Variants in GPC5 observed in about 807,000 individuals in gnomAD.
GPC5 encodes the protein glypican-5.
GPC5 carries 47 observed loss-of-function variants against 53.9 expected under a neutral mutation model. The observed-to-expected ratio is 0.87, with a 90% CI of 0.69 to 1.11. The LOEUF (loss-of-function observed/expected upper bound fraction) is 1.11. GPC5 is among the 50% of genes most tolerant of loss of function. The pLI, the probability that GPC5 is intolerant of heterozygous loss-of-function variation, is 0.00. For synonymous variants in GPC5, 286 were observed against 263.3 expected, an observed-to-expected ratio of 1.09 and a Z score of -0.84; for missense variants, 748 against 713.1, an observed-to-expected ratio of 1.05 and a Z score of -0.56.
intron 7 of GPC5, among the ~76,000 whole-genome samples, chr13:92,329,631 C>G (rs1280448957): frequency 1.3e-5 from 2 of 152,136 alleles, no homozygotes; most frequent in Non-Finnish European, 2.9e-5. Flanking sequence ...CACCATAAGA[C>G]AAAATTCAAA....
intron 7 of GPC5, among the ~76,000 whole-genome samples, chr13:92,264,004 T>C (rs1214405651): frequency 6.6e-6 from 1 of 152,176 alleles, no homozygotes; most frequent in Non-Finnish European, 1.5e-5. Context: ...GTTAATCAGA[T>C]TGATTTAATT....
intron 2 of GPC5, among the ~76,000 whole-genome samples, chr13:91,498,701 A>G (rs61968042): frequency 0.16 from 24,119 of 152,082 alleles, 2,556 homozygotes; most frequent in Non-Finnish European, 0.22. Flanking sequence ...TAGGGGAGCC[A>G]GTTAGAAAGC....
chr13:91,721,121 CT>C (rs1282288895), intron 3 of GPC5, among the ~76,000 whole-genome samples: 5 of 66,686 alleles, frequency 7.5e-5, no homozygotes, highest in Non-Finnish European at 1.4e-4. Flanking sequence ...TTCTTTCTTT[CT>C]TTCTTTCTTT....
intron 7 of GPC5, among the ~76,000 whole-genome samples, chr13:92,202,943 GAAAA>G (rs527632010): frequency 6.6e-6 from 1 of 151,382 alleles, no homozygotes; most frequent in Non-Finnish European, 1.5e-5. Context: ...TAATTTACAA[GAAAA>G]AAAATTATGA....
At chr13:92,290,262 A>G (rs2042984169) in intron 7 of GPC5, among the ~76,000 whole-genome samples, 1 of 152,226 alleles carries the variant, frequency 6.6e-6, no homozygotes, top group South Asian at 2.1e-4. Flanking sequence ...TTTAAGCAAT[A>G]GACACTTAGT....
At chr13:92,648,298 A>G (rs1310705544) in intron 7 of GPC5, among the ~76,000 whole-genome samples, 3 of 152,128 alleles carry the variant, frequency 2.0e-5, no homozygotes, top group African/African-American at 7.2e-5. Context: ...TTTTGTCAAG[A>G]GGCAACATGC....
chr13:91,905,995 T>C (rs2039548727), intron 5 of GPC5, among the ~76,000 whole-genome samples: 2 of 152,042 alleles, frequency 1.3e-5, no homozygotes, highest in African/African-American at 4.8e-5. Context: ...ACCTGAGTAG[T>C]GTACATTGTA....
chr13:92,542,628 C>T (rs962374363), intron 7 of GPC5, among the ~76,000 whole-genome samples: 2 of 151,950 alleles, frequency 1.3e-5, no homozygotes, highest in Admixed American at 1.3e-4. Context: ...TGTCTTTTCC[C>T]TTCCAGATGT....
At chr13:92,163,018 T>C (rs1313352397) in intron 7 of GPC5, among the ~76,000 whole-genome samples, 1 of 152,122 alleles carries the variant, frequency 6.6e-6, no homozygotes, top group African/African-American at 2.4e-5. Flanking sequence ...ATTCTTGGGA[T>C]CAAATATACT....
At chr13:91,762,279 A>G (rs766892611) in intron 5 of GPC5, among the ~76,000 whole-genome samples, 1 of 151,230 alleles carries the variant, frequency 6.6e-6, no homozygotes, top group South Asian at 2.1e-4. Context: ...AGGCAATGAC[A>G]GTTTTCCTGA....
At chr13:92,098,389 A>G (rs899289110) in intron 6 of GPC5, among the ~76,000 whole-genome samples, 1 of 152,160 alleles carries the variant, frequency 6.6e-6, no homozygotes, top group Non-Finnish European at 1.5e-5. Context: ...ATCTATAATT[A>G]TTATCTCAGA....
intron 2 of GPC5, among the ~76,000 whole-genome samples, chr13:91,667,505 C>T (rs1315281861): frequency 6.6e-6 from 1 of 152,202 alleles, no homozygotes; most frequent in African/African-American, 2.4e-5. Context: ...TGAGTTCGAG[C>T]TGCAGCTGTC....
At chr13:91,987,660 A>G (rs908285038) in intron 6 of GPC5, among the ~76,000 whole-genome samples, 2 of 150,534 alleles carry the variant, frequency 1.3e-5, no homozygotes, top group African/African-American at 4.9e-5. Flanking sequence ...TTGTCAGTCC[A>G]TGTATTGCTT....
intron 7 of GPC5, among the ~76,000 whole-genome samples, chr13:92,169,031 G>T (rs939579777): frequency 2.6e-5 from 4 of 152,126 alleles, no homozygotes; most frequent in Admixed American, 6.5e-5. Flanking sequence ...CCTTAGCAGG[G>T]ATATGGATGG....
intron 7 of GPC5, among the ~76,000 whole-genome samples, chr13:92,836,103 C>A (rs571182226): frequency 1.3e-5 from 2 of 151,956 alleles, no homozygotes; most frequent in South Asian, 4.1e-4. Flanking sequence ...GAAATATTTT[C>A]CAAAATTACT....
At chr13:91,877,116 T>A (rs1401399337) in intron 5 of GPC5, among the ~76,000 whole-genome samples, 6 of 152,232 alleles carry the variant, frequency 3.9e-5, no homozygotes, top group African/African-American at 1.4e-4. Context: ...TGGAAACTCC[T>A]GGATGCCCAG....
intron 7 of GPC5, among the ~76,000 whole-genome samples, chr13:92,412,037 C>A (rs1876067247): frequency 6.6e-6 from 1 of 152,134 alleles, no homozygotes; most frequent in South Asian, 2.1e-4. Flanking sequence ...AGATTATTAA[C>A]CTTTGACATA....
chr13:92,794,957 G>A (rs1876605287), intron 7 of GPC5, among the ~76,000 whole-genome samples: 1 of 152,054 alleles, frequency 6.6e-6, no homozygotes, highest in Non-Finnish European at 1.5e-5. Context: ...TGACCATACT[G>A]CCCTAGGTAA....
intron 5 of GPC5, among the ~76,000 whole-genome samples, chr13:91,862,676 TAC>T (rs530155281): frequency 1.3e-5 from 2 of 151,672 alleles, no homozygotes; most frequent in South Asian, 2.1e-4. Flanking sequence ...ATGTGTGACA[TAC>T]ACACACACAC....
Sources: allele counts gnomAD v4.1 joint callset (sites outside exome capture counted in the v4.1 genomes callset), GRCh38; gene constraint gnomAD v4.1.1; transcripts MANE v1.5; gene names NCBI Gene and HGNC (gene_info 2026-07-23, HGNC 2026-07-21).